The following ERC2 variants were observed in gnomAD, a reference collection of about 807,000 sequenced individuals.
ERC2 encodes the protein ELKS/RAB6-interacting/CAST family member 2.
A neutral mutation model predicts 114.8 loss-of-function variants in ERC2; 42 were observed. The observed-to-expected ratio is 0.37, with a 90% CI of 0.29 to 0.47. The LOEUF (loss-of-function observed/expected upper bound fraction) is 0.47. ERC2 is among the 20% of genes least tolerant of loss of function. The pLI is 0.99. For missense variants in ERC2, 939 were observed against 1,150.7 expected, an observed-to-expected ratio of 0.82 and a Z score of 2.66; for synonymous variants, 454 against 425.5, an observed-to-expected ratio of 1.07 and a Z score of -0.82.
intron 17 of ERC2, among the ~76,000 whole-genome samples, chr3:55,607,117 GC>G (rs2058672603): frequency 1.3e-5 from 2 of 152,314 alleles, no homozygotes; most frequent in South Asian, 4.1e-4. Context: ...CATTCATTAA[GC>G]ATGGTGCCAG....
chr3:55,875,385 AG>A (rs1339708766), intron 14 of ERC2, among the ~76,000 whole-genome samples: 1 of 152,206 alleles, frequency 6.6e-6, no homozygotes, highest in African/African-American at 2.4e-5. Context: ...GTGAAGCATC[AG>A]GGGTGAGGTA....
intron 10 of ERC2, among the ~76,000 whole-genome samples, chr3:56,006,762 G>A (rs2072526479): frequency 6.6e-6 from 1 of 152,012 alleles, no homozygotes; most frequent in South Asian, 2.1e-4. Context: ...TGTCAGAAAA[G>A]CTTTTTGCAA....
At chr3:55,949,314 G>T (rs555741920) in intron 13 of ERC2, among the ~76,000 whole-genome samples, 71 of 152,124 alleles carry the variant, frequency 4.7e-4, no homozygotes, top group African/African-American at 1.7e-3. Context: ...AGCTTGCAGT[G>T]ACCCAAGATC....
At position 56,457,031 on chromosome 3, in the gene ERC2, A is replaced by T. The variant is rs561463784; in HGVS notation, c.-141+11217T>A. On this transcript the variant is annotated intron_variant, in intron 1 of 17. Coordinates refer to ENST00000288221, the MANE Select transcript of ERC2 (RefSeq NM_015576.3). ...TAGCCCATAACTCCCAATCTTGTACATTTCAAGGAATAATGAAACTATTTC... is the reference window on the plus strand; with the variant it reads ...TAGCCCATAACTCCCAATCTTGTACTTTTCAAGGAATAATGAAACTATTTC... Among the ~76,000 whole-genome samples, 3 of 152,352 alleles carry T rather than the reference A, an allele frequency of 2.0e-5. No homozygotes were observed. The East Asian group carries it at 5.8e-4, about 29-fold the overall frequency.
chr3:56,144,125 C>T (rs2081015740), intron 5 of ERC2, among the ~76,000 whole-genome samples: 1 of 152,202 alleles, frequency 6.6e-6, no homozygotes, highest in Non-Finnish European at 1.5e-5. Flanking sequence ...ATCATGACTG[C>T]TTATCAATGT....
chr3:56,420,759 T>C (rs1056830250), intron 2 of ERC2, among the ~76,000 whole-genome samples: 1 of 149,182 alleles, frequency 6.7e-6, no homozygotes, highest in Non-Finnish European at 1.5e-5. Context: ...CTGGGTGTGG[T>C]GGTGGGTGCC....
At chr3:55,566,120 T>A (rs2056356232) in intron 17 of ERC2, among the ~76,000 whole-genome samples, 1 of 152,206 alleles carries the variant, frequency 6.6e-6, no homozygotes, top group South Asian at 2.1e-4. Flanking sequence ...TCCTATGGTA[T>A]ATCAAGAGCA....
chr3:55,668,414 G>T (rs2061436346), intron 17 of ERC2, among the ~76,000 whole-genome samples: 1 of 152,168 alleles, frequency 6.6e-6, no homozygotes, highest in South Asian at 2.1e-4. Context: ...ACATGGTGGG[G>T]CAGAGAAAGA....
chr3:55,828,495 G>GCAGCAGGGGCAGCAGGGT (rs2060429717), intron 14 of ERC2, among the ~76,000 whole-genome samples: 1 of 151,430 alleles, frequency 6.6e-6, no homozygotes, highest in Admixed American at 6.6e-5. Flanking sequence ...GGCAGCAGGG[G>GCAGCAGGGGCAGCAGGGT]CAGCAGGCAG....
intron 17 of ERC2, among the ~76,000 whole-genome samples, chr3:55,656,207 A>G (rs1372694679): frequency 2.6e-5 from 4 of 152,154 alleles, no homozygotes; most frequent in Non-Finnish European, 5.9e-5. Flanking sequence ...TGGTGCAATC[A>G]TAGCTCATGC....
chr3:56,024,466 C>T (rs76480153), intron 7 of ERC2, among the ~76,000 whole-genome samples: 2,321 of 152,322 alleles, frequency 0.015, 17 homozygotes, highest in African/African-American at 0.032. Context: ...ACACCACTAG[C>T]CCTGCAGTCA....
intron 3 of ERC2, among the ~76,000 whole-genome samples, chr3:56,246,064 C>T (rs1320253887): frequency 1.4e-5 from 2 of 148,024 alleles, no homozygotes; most frequent in Non-Finnish European, 3.0e-5. Context: ...ATATTTCTTC[C>T]CTAATCATCA....
At chr3:56,404,696 C>T (rs966110289) in intron 2 of ERC2, among the ~76,000 whole-genome samples, 4 of 150,254 alleles carry the variant, frequency 2.7e-5, no homozygotes, top group Non-Finnish European at 5.9e-5. Context: ...TATACACCTA[C>T]TATGTACCCA....
chr3:56,067,310 G>A (rs1465796226), intron 7 of ERC2, among the ~76,000 whole-genome samples: 2 of 151,994 alleles, frequency 1.3e-5, no homozygotes, highest in Non-Finnish European at 2.9e-5. Context: ...TATTCTCTTT[G>A]TAGCAATTGC....
intron 6 of ERC2, among the ~76,000 whole-genome samples, chr3:56,099,415 G>A (rs2078230831): frequency 1.3e-5 from 2 of 152,128 alleles, no homozygotes; most frequent in South Asian, 2.1e-4. Context: ...TTTTTATGGG[G>A]ATTCAAAGAC....
chr3:56,440,473 A>G (rs1018528890), intron 1 of ERC2, among the ~76,000 whole-genome samples: 1 of 151,630 alleles, frequency 6.6e-6, no homozygotes, highest in Non-Finnish European at 1.5e-5. Context: ...GCATGGACCC[A>G]GGAGGCGGAG....
chr3:55,564,323 G>A (rs1054480554), intron 17 of ERC2, among the ~76,000 whole-genome samples: 3 of 152,176 alleles, frequency 2.0e-5, no homozygotes, highest in Non-Finnish European at 4.4e-5. Flanking sequence ...ATTTCATACC[G>A]TGGAAAATTA....
chr3:55,927,842 A>C (rs2065840172), intron 13 of ERC2, among the ~76,000 whole-genome samples: 1 of 152,162 alleles, frequency 6.6e-6, no homozygotes, highest in African/African-American at 2.4e-5. Flanking sequence ...CCCACAAATA[A>C]GTGAGAACAT....
intron 14 of ERC2, among the ~76,000 whole-genome samples, chr3:55,760,396 G>C (rs935952377): frequency 6.6e-6 from 1 of 152,050 alleles, no homozygotes; most frequent in African/African-American, 2.4e-5. Flanking sequence ...TAGTTACATG[G>C]GTCAGCTCTT....
Sources: gnomAD v4.1 joint callset for allele counts (sites outside exome capture counted in the v4.1 genomes callset) on GRCh38, gnomAD v4.1.1 for gene constraint, MANE v1.5 for transcripts, NCBI Gene and HGNC (gene_info 2026-07-23, HGNC 2026-07-21) for gene names.